The following CTNNA2 variants were observed in gnomAD, a reference collection of about 807,000 sequenced individuals.
The protein encoded by CTNNA2 is catenin alpha-2.
CTNNA2 carries 42 observed loss-of-function variants against 101.0 expected under a neutral mutation model. The ratio of observed to expected loss-of-function variants is 0.42; its 90% CI spans 0.32 to 0.54. CTNNA2 has a LOEUF of 0.54. Among genes scored for constraint, CTNNA2 ranks in the 20% least tolerant of loss-of-function variants. The probability of loss-of-function intolerance (pLI) is 0.14; values close to 1 mark genes in which losing one functional copy is unlikely to be tolerated. For missense variants in CTNNA2, 871 were observed against 1,223.1 expected, an observed-to-expected ratio of 0.71 and a Z score of 4.29; for synonymous variants, 450 against 456.4, an observed-to-expected ratio of 0.99 and a Z score of 0.18.
At chr2:80,491,940 C>A (rs558280580) in intron 9 of CTNNA2, among the ~76,000 whole-genome samples, 1 of 152,080 alleles carries the variant, frequency 6.6e-6, no homozygotes, top group East Asian at 1.9e-4. Context: ...GGGTATCCAC[C>A]GTCCATGGGA....
At chr2:80,385,982 C>A (rs2149356008) in intron 7 of CTNNA2, among the ~76,000 whole-genome samples, 1 of 152,304 alleles carries the variant, frequency 6.6e-6, no homozygotes, top group Non-Finnish European at 1.5e-5. Context: ...ACTGAAATAA[C>A]ATGGATGGGT....
chr2:79,687,792 G>C (rs931745977), intron 2 of CTNNA2: 26 of 473,284 alleles, frequency 5.5e-5, no homozygotes, highest in Non-Finnish European at 9.3e-5. Flanking sequence ...TTGAAATACA[G>C]GCGCCAAAAA....
At chr2:80,086,045 G>A (rs1699421997) in intron 7 of CTNNA2, among the ~76,000 whole-genome samples, 2 of 151,974 alleles carry the variant, frequency 1.3e-5, no homozygotes, top group African/African-American at 4.8e-5. Context: ...TGAAATCAGT[G>A]ATTCTAAATC....
chr2:80,308,623 A>G (rs1677252687), intron 7 of CTNNA2, among the ~76,000 whole-genome samples: 1 of 152,216 alleles, frequency 6.6e-6, no homozygotes, highest in African/African-American at 2.4e-5. Flanking sequence ...GGAGAAACAA[A>G]TTAGAAATTG....
At chr2:79,788,344 G>T (rs1484502849) in intron 3 of CTNNA2, among the ~76,000 whole-genome samples, 1 of 152,170 alleles carries the variant, frequency 6.6e-6, no homozygotes, top group African/African-American at 2.4e-5. Flanking sequence ...AGAGGATCCT[G>T]TGTGGACTTG....
chr2:79,409,981 C>T (rs924006759), intron 4 of CTNNA2, among the ~76,000 whole-genome samples: 4 of 151,156 alleles, frequency 2.6e-5, no homozygotes, highest in African/African-American at 9.7e-5. Flanking sequence ...TTTCATTGAG[C>T]AGTGGTTTGT....
At chr2:79,682,430 A>AAAG (rs1558834017) in intron 2 of CTNNA2, among the ~76,000 whole-genome samples, 4 of 149,042 alleles carry the variant, frequency 2.7e-5, no homozygotes, top group South Asian at 2.1e-4. Flanking sequence ...AAAAAAAAAA[A>AAAG]AAGAAGAAAG....
At chr2:80,561,015 T>C (rs1308388184) in intron 12 of CTNNA2, among the ~76,000 whole-genome samples, 1 of 152,052 alleles carries the variant, frequency 6.6e-6, no homozygotes, top group Non-Finnish European at 1.5e-5. Flanking sequence ...TTTCTGTGTA[T>C]CAATGGGAAA....
upstream of CTNNA2, among the ~76,000 whole-genome samples, chr2:79,508,647 T>C (rs2103817142): frequency 6.6e-6 from 1 of 152,192 alleles, no homozygotes; most frequent in Admixed American, 6.5e-5. Flanking sequence ...AAGTATTAAT[T>C]AAAGCAAGTA....
intron 7 of CTNNA2, among the ~76,000 whole-genome samples, chr2:80,237,604 G>C (rs1395117599): frequency 6.6e-6 from 1 of 152,080 alleles, no homozygotes. Context: ...AGTGGAAGGG[G>C]CTAGTGAGAC....
At chr2:79,287,002 C>T (rs1293130969) in intron 2 of CTNNA2, among the ~76,000 whole-genome samples, 4 of 152,144 alleles carry the variant, frequency 2.6e-5, no homozygotes, top group East Asian at 1.9e-4. Flanking sequence ...TCATTTCATT[C>T]ATTTCATCTT....
chr2:79,837,586 T>C (rs1224244573), intron 3 of CTNNA2, among the ~76,000 whole-genome samples: 1 of 152,198 alleles, frequency 6.6e-6, no homozygotes, highest in African/African-American at 2.4e-5. Flanking sequence ...GAGGTGTATA[T>C]TGAAGATGCA....
intron 1 of CTNNA2, among the ~76,000 whole-genome samples, chr2:79,556,063 C>G (rs1438669681): frequency 1.3e-5 from 2 of 152,068 alleles, no homozygotes; most frequent in East Asian, 3.9e-4. Flanking sequence ...TTTTAATTTT[C>G]TGTTGCCTTA....
chr2:80,560,565 A>T (rs968263641), intron 12 of CTNNA2, among the ~76,000 whole-genome samples: 1 of 152,156 alleles, frequency 6.6e-6, no homozygotes, highest in Non-Finnish European at 1.5e-5. Flanking sequence ...ATTATTGCCC[A>T]TGAGTCCCCT....
chr2:79,845,001 C>CACACACACACACACACACAT (rs1246917027), intron 3 of CTNNA2, among the ~76,000 whole-genome samples: 4 of 150,808 alleles, frequency 2.7e-5, no homozygotes, highest in Non-Finnish European at 4.4e-5. Flanking sequence ...CACACACACA[C>CACACACACACACACACACAT]ATATATTTGT....
intron 7 of CTNNA2, among the ~76,000 whole-genome samples, chr2:79,972,291 T>A (rs1468808660): frequency 1.3e-5 from 2 of 152,208 alleles, no homozygotes; most frequent in Non-Finnish European, 2.9e-5. Context: ...ATACAGCTTC[T>A]ACTTGTGCTC....
chr2:79,780,327 C>T (rs887947586), intron 3 of CTNNA2, among the ~76,000 whole-genome samples: 2 of 152,200 alleles, frequency 1.3e-5, no homozygotes, highest in Admixed American at 6.5e-5. Context: ...TCATATCTGG[C>T]TCAGAATAAA....
At chr2:80,274,999 G>C (rs1435300781) in intron 7 of CTNNA2, among the ~76,000 whole-genome samples, 1 of 152,152 alleles carries the variant, frequency 6.6e-6, no homozygotes, top group Non-Finnish European at 1.5e-5. Flanking sequence ...CATATAGAAG[G>C]TATGTAATAA....
At chr2:80,051,050 C>T (rs1279279159) in intron 7 of CTNNA2, among the ~76,000 whole-genome samples, 3 of 151,978 alleles carry the variant, frequency 2.0e-5, no homozygotes, top group African/African-American at 7.3e-5. Flanking sequence ...GAGAATGTGA[C>T]CCATTAGTAG....
Sources: allele counts gnomAD v4.1 joint callset (sites outside exome capture counted in the v4.1 genomes callset), GRCh38; gene constraint gnomAD v4.1.1; transcripts MANE v1.5; gene names NCBI Gene and HGNC (gene_info 2026-07-23, HGNC 2026-07-21).